The following FNIP2 variants were observed in gnomAD, a reference collection of about 807,000 sequenced individuals.
The protein encoded by FNIP2 is folliculin-interacting protein 2.
FNIP2 carries 32 observed loss-of-function variants against 108.7 expected under a neutral mutation model. That is an observed-to-expected ratio of 0.29 (90% CI 0.22 to 0.40). The LOEUF is 0.40. Among genes scored for constraint, FNIP2 ranks in the 10% least tolerant of loss-of-function variants. The pLI is 1.00. For missense variants in FNIP2, 1,202 were observed against 1,381.6 expected (o/e 0.87, Z 2.06); for synonymous variants, 480 against 496.7 (o/e 0.97, Z 0.45).
chr4:158,772,546 T>C (rs2126397576), intron 1 of FNIP2, among the ~76,000 whole-genome samples: 1 of 152,350 alleles, frequency 6.6e-6, no homozygotes, highest in East Asian at 1.9e-4. Context: ...ATATATATTA[T>C]CTGGGATATG....
chr4:158,901,100 T>G (rs1057048677), intron 16 of FNIP2, among the ~76,000 whole-genome samples: 2 of 151,812 alleles, frequency 1.3e-5, no homozygotes, highest in Non-Finnish European at 2.9e-5. Context: ...GAAGCTTAGT[T>G]TGGCTGGATA....
chr4:158,834,306 C>CTCTCTCTCTCTCTG (rs1778661133), intron 6 of FNIP2: 2 of 148,134 alleles, frequency 1.4e-5, no homozygotes, highest in Non-Finnish European at 3.0e-5. Context: ...CTCTCTCTCT[C>CTCTCTCTCTCTCTG]TCTCTCTCTC....
chr4:158,867,439 G>C (rs1780645500), intron 12 of FNIP2, among the ~76,000 whole-genome samples: 1 of 152,162 alleles, frequency 6.6e-6, no homozygotes, highest in East Asian at 1.9e-4. Flanking sequence ...GTGATTGCCT[G>C]CCTCAGCCTC....
chr4:158,829,310 G>A (rs903760475), intron 3 of FNIP2, 85 bp downstream of exon 3: 36 of 1,222,288 alleles, frequency 2.9e-5, no homozygotes, highest in Non-Finnish European at 3.9e-5. Flanking sequence ...GCCTGCTCGA[G>A]GGCTCTACTC....
At chr4:158,797,584 C>T (rs1776629669) in intron 1 of FNIP2, among the ~76,000 whole-genome samples, 1 of 152,162 alleles carries the variant, frequency 6.6e-6, no homozygotes, top group African/African-American at 2.4e-5. Flanking sequence ...CCTGTAGTCC[C>T]AGCTACTCAG....
intron 1 of FNIP2, among the ~76,000 whole-genome samples, chr4:158,799,658 G>A (rs1231750447): frequency 6.6e-6 from 1 of 152,154 alleles, no homozygotes; most frequent in Non-Finnish European, 1.5e-5. Flanking sequence ...AGGTCCAAAT[G>A]CTAGGGACAA....
chr4:158,803,331 A>G (rs1261491239), intron 1 of FNIP2, among the ~76,000 whole-genome samples: 3 of 152,220 alleles, frequency 2.0e-5, no homozygotes, highest in African/African-American at 7.2e-5. Context: ...CAGCATGATA[A>G]TGAATAACAA....
chr4:158,890,945 G>A (rs1173008613), intron 14 of FNIP2, among the ~76,000 whole-genome samples: 2 of 152,160 alleles, frequency 1.3e-5, no homozygotes, highest in Admixed American at 6.5e-5. Flanking sequence ...GGATGGACCC[G>A]ATTGCAGTCT....
At chr4:158,888,289 T>G (rs1353845661) in intron 14 of FNIP2, among the ~76,000 whole-genome samples, 6 of 152,248 alleles carry the variant, frequency 3.9e-5, no homozygotes. Context: ...TTTTCTCTTT[T>G]GAAAAGGTTC....
At chr4:158,827,287 C>A (rs1778209410) in intron 2 of FNIP2, among the ~76,000 whole-genome samples, 1 of 152,216 alleles carries the variant, frequency 6.6e-6, no homozygotes, top group Non-Finnish European at 1.5e-5. Flanking sequence ...TTTCCCATTT[C>A]TCTGAAGGCC....
At chr4:158,790,588 A>G (rs1034102341) in intron 1 of FNIP2, among the ~76,000 whole-genome samples, 13 of 151,956 alleles carry the variant, frequency 8.6e-5, no homozygotes, top group Non-Finnish European at 1.9e-4. Flanking sequence ...GCTCCAAAAA[A>G]TTTTGAAAAT....
chr4:158,793,134 A>G (rs1390761840), intron 1 of FNIP2, among the ~76,000 whole-genome samples: 1 of 152,224 alleles, frequency 6.6e-6, no homozygotes, highest in African/African-American at 2.4e-5. Context: ...TAGACCATTC[A>G]TGGGAACTTT....
intron 1 of FNIP2, among the ~76,000 whole-genome samples, chr4:158,783,647 C>T (rs1004709761): frequency 1.3e-5 from 2 of 152,200 alleles, no homozygotes; most frequent in African/African-American, 4.8e-5. Context: ...GTCCGTTCAC[C>T]ATCAGATTAG....
chr4:158,847,587 G>C (rs1228169182), intron 7 of FNIP2, among the ~76,000 whole-genome samples: 1 of 152,202 alleles, frequency 6.6e-6, no homozygotes, highest in Non-Finnish European at 1.5e-5. Flanking sequence ...TCTGAGACGT[G>C]ACATGACCTA....
intron 1 of FNIP2, among the ~76,000 whole-genome samples, chr4:158,817,219 C>T (rs943412604): frequency 5.3e-5 from 8 of 152,180 alleles, no homozygotes; most frequent in African/African-American, 1.9e-4. Context: ...CCACAGTGAC[C>T]TGCCCACTCA....
At chr4:158,818,089 G>A (rs1206311001) in intron 1 of FNIP2, among the ~76,000 whole-genome samples, 1 of 152,206 alleles carries the variant, frequency 6.6e-6, no homozygotes, top group African/African-American at 2.4e-5. Flanking sequence ...AGAAAGGAAG[G>A]AAGAAATTCT....
intron 14 of FNIP2, among the ~76,000 whole-genome samples, chr4:158,883,562 C>T (rs1781840969): frequency 6.6e-6 from 1 of 152,168 alleles, no homozygotes; most frequent in African/African-American, 2.4e-5. Flanking sequence ...TTTAAAGAGG[C>T]TTCCCAGTGG....
At chr4:158,826,791 T>G (rs1778182874) in intron 2 of FNIP2, among the ~76,000 whole-genome samples, 1 of 152,238 alleles carries the variant, frequency 6.6e-6, no homozygotes, top group Non-Finnish European at 1.5e-5. Context: ...ACTTGTAAAT[T>G]CACTTTAGAC....
chr4:158,898,740 A>G (rs1258282305), intron 16 of FNIP2, among the ~76,000 whole-genome samples: 1 of 152,150 alleles, frequency 6.6e-6, no homozygotes, highest in Non-Finnish European at 1.5e-5. Flanking sequence ...TTGGGCTGAA[A>G]TGTTGGGGTT....
Sources: allele counts gnomAD v4.1 joint callset (sites outside exome capture counted in the v4.1 genomes callset), GRCh38; gene constraint gnomAD v4.1.1; transcripts MANE v1.5; gene names NCBI Gene and HGNC (gene_info 2026-07-23, HGNC 2026-07-21).